The following PTK2 variants were observed in gnomAD, a reference collection of about 807,000 sequenced individuals.
PTK2 encodes focal adhesion kinase 1.
A neutral mutation model predicts 150.1 loss-of-function variants in PTK2; 45 were observed. That is an observed-to-expected ratio of 0.30 (90% CI 0.24 to 0.38). PTK2 has a LOEUF of 0.38. Ranked by LOEUF, PTK2 falls within the 10% of genes least tolerant of loss-of-function variation. PTK2 has a pLI of 1.00. For missense variants in PTK2, 919 were observed against 1,307.3 expected, an observed-to-expected ratio of 0.70 and a Z score of 4.58; for synonymous variants, 432 against 449.2, an observed-to-expected ratio of 0.96 and a Z score of 0.48.
chr8:140,676,049 T>C (rs1051387357), intron 27 of PTK2, among the ~76,000 whole-genome samples: 1 of 152,186 alleles, frequency 6.6e-6, no homozygotes, highest in Non-Finnish European at 1.5e-5. Flanking sequence ...AAATGTGGTA[T>C]ATGTATACAG....
At chr8:140,901,629 G>T (rs1301375900) in intron 2 of PTK2, among the ~76,000 whole-genome samples, 1 of 149,612 alleles carries the variant, frequency 6.7e-6, no homozygotes, top group African/African-American at 2.5e-5. Flanking sequence ...TCCAGCTTGG[G>T]CAAGAAAGCA....
intron 1 of PTK2, among the ~76,000 whole-genome samples, chr8:140,968,441 T>C (rs371923666): frequency 2.6e-5 from 4 of 152,096 alleles, no homozygotes; most frequent in East Asian, 1.9e-4. Flanking sequence ...GAACTATATA[T>C]CACATTTACA....
chr8:140,834,710 T>C (rs2100117656), intron 7 of PTK2, among the ~76,000 whole-genome samples: 1 of 152,206 alleles, frequency 6.6e-6, no homozygotes, highest in African/African-American at 2.4e-5. Flanking sequence ...TGAAAGGTAC[T>C]ATAAGATAAG....
At chr8:140,713,548 AG>A (rs1464333497) in intron 23 of PTK2, among the ~76,000 whole-genome samples, 4 of 152,166 alleles carry the variant, frequency 2.6e-5, no homozygotes, top group Admixed American at 6.5e-5. Flanking sequence ...TTATCAGATG[AG>A]TTCTGATGTC....
At chr8:140,795,493 T>C (rs1002727288) in intron 12 of PTK2, among the ~76,000 whole-genome samples, 5 of 152,218 alleles carry the variant, frequency 3.3e-5, no homozygotes, top group Non-Finnish European at 5.9e-5. Flanking sequence ...AGTGGGACCT[T>C]CCCTGACAAC....
At chr8:140,689,461 C>G (rs1348037358) in intron 26 of PTK2, among the ~76,000 whole-genome samples, 4 of 152,202 alleles carry the variant, frequency 2.6e-5, no homozygotes, top group African/African-American at 9.7e-5. Flanking sequence ...AAATATAACT[C>G]ATGATCCAGG....
intron 10 of PTK2, among the ~76,000 whole-genome samples, chr8:140,811,474 G>T (rs1358828028): frequency 6.6e-6 from 1 of 152,204 alleles, no homozygotes; most frequent in African/African-American, 2.4e-5. Flanking sequence ...AAGAACCACT[G>T]CAAGAAATCT....
rs150831141 is a variant in PTK2 at position 140,712,544 on chromosome 8, A to G, written c.2142+5054T>C. ...GGTATCATCTGTTACATTAAAATCC[A>G]TAGAATTAAGGGGGGAAAAAAGGAG... On this transcript the variant is annotated intron_variant, in intron 23 of 31. Coordinates refer to ENST00000522684, the Ensembl canonical transcript of PTK2. Among the ~76,000 whole-genome samples the G allele has an allele frequency of 3.3e-3, 506 of 152,326 alleles. 4 individuals carry two copies. The highest frequency in any genetic ancestry group is 0.012 in the African/African-American group (478 of 41,560).
chr8:140,691,199 G>C (rs58254850), intron 26 of PTK2, among the ~76,000 whole-genome samples: 2,487 of 144,298 alleles, frequency 0.017, 73 homozygotes, highest in African/African-American at 0.058. Flanking sequence ...ATGGTTGGGG[G>C]TGGGGGGTCT....
intron 8 of PTK2, among the ~76,000 whole-genome samples, chr8:140,827,325 G>A (rs1165899021): frequency 6.6e-6 from 1 of 151,870 alleles, no homozygotes; most frequent in Admixed American, 6.6e-5. Flanking sequence ...TGTTTCTAGG[G>A]TGTGAGCCCT....
chr8:140,899,799 T>C (rs1488281467), intron 2 of PTK2, among the ~76,000 whole-genome samples: 1 of 152,048 alleles, frequency 6.6e-6, no homozygotes, highest in Non-Finnish European at 1.5e-5. Flanking sequence ...GTTCAACATA[T>C]GCAAATCAAT....
chr8:140,794,634 C>T (rs1462561709), intron 12 of PTK2, among the ~76,000 whole-genome samples: 1 of 152,204 alleles, frequency 6.6e-6, no homozygotes, highest in African/African-American at 2.4e-5. Flanking sequence ...CTGGGCCTCC[C>T]GAACCTTGTA....
intron 26 of PTK2, among the ~76,000 whole-genome samples, chr8:140,691,263 C>A (rs2153827075): frequency 6.6e-6 from 1 of 151,832 alleles, no homozygotes; most frequent in South Asian, 2.1e-4. Context: ...ATCTTCCTGT[C>A]TCTGGAGCAG....
intron 2 of PTK2, among the ~76,000 whole-genome samples, chr8:140,915,654 T>C (rs2100164954): frequency 6.6e-6 from 1 of 151,926 alleles, no homozygotes; most frequent in Admixed American, 6.6e-5. Context: ...CCCAGCACTT[T>C]GGGAGGCCAA....
chr8:140,912,098 C>G (rs890208247), intron 2 of PTK2, among the ~76,000 whole-genome samples: 5 of 151,918 alleles, frequency 3.3e-5, no homozygotes, highest in African/African-American at 1.2e-4. Context: ...TTAAAATTAG[C>G]CAGGTATGGT....
intron 2 of PTK2, among the ~76,000 whole-genome samples, chr8:140,922,889 C>G (rs966653138): frequency 1.3e-5 from 2 of 152,126 alleles, no homozygotes; most frequent in African/African-American, 4.8e-5. Flanking sequence ...TTTAGTCAGA[C>G]TGAACACCTG....
In PTK2 at chr8:140,759,310, G is replaced by C. The variant is rs1217950185; in HGVS notation, c.1332+1855C>G. 2.0e-4 allele frequency among the ~76,000 whole-genome samples: 30 copies of C among 151,968 alleles called. 1 individual carries two copies. Among genetic ancestry groups the C allele is most frequent in the Admixed American group, 2.0e-3 (30 of 15,254 alleles). On this transcript the variant is annotated intron_variant, in intron 16 of 31. Transcript: ENST00000522684. ...GTACAGCTGTGTTGGAAATCATTTT[G>C]GCAGTTCATCAAAAAGTTAAACATT...
At chr8:140,780,759 T>C (rs1276816017) in intron 14 of PTK2, among the ~76,000 whole-genome samples, 1 of 152,206 alleles carries the variant, frequency 6.6e-6, no homozygotes, top group African/African-American at 2.4e-5. Context: ...AAAAGTCTCA[T>C]CTTTTAGGAA....
chr8:140,842,746 AAG>A (rs1387724920), intron 7 of PTK2, among the ~76,000 whole-genome samples: 2 of 152,140 alleles, frequency 1.3e-5, no homozygotes, highest in African/African-American at 4.8e-5. Flanking sequence ...GGAATTTAGA[AAG>A]AGGGGACAGC....
Sources: allele counts gnomAD v4.1 joint callset (sites outside exome capture counted in the v4.1 genomes callset), GRCh38; gene constraint gnomAD v4.1.1; transcripts MANE v1.5; gene names NCBI Gene and HGNC (gene_info 2026-07-23, HGNC 2026-07-21).